The following GSE1 variants were observed in gnomAD, a reference collection of about 807,000 sequenced individuals.
The protein encoded by GSE1 is genetic suppressor element 1.
In GSE1, 32 loss-of-function variants were observed where a neutral mutation model predicts 112.6. The ratio of observed to expected loss-of-function variants is 0.28; its 90% CI spans 0.21 to 0.38. The LOEUF is 0.38. GSE1 is among the 10% of genes least tolerant of loss of function. GSE1 has a pLI of 1.00. For missense variants in GSE1, 2,348 were observed against 1,699.2 expected (o/e 1.38, Z -6.71); for synonymous variants, 1,115 against 735.6 (o/e 1.52, Z -8.35).
chr16:85,620,094 A>G (rs940293253), intron 1 of GSE1, among the ~76,000 whole-genome samples: 2 of 152,098 alleles, frequency 1.3e-5, no homozygotes, highest in East Asian at 1.9e-4. Flanking sequence ...TCTGCAGTTT[A>G]AGACCTCCTC....
intron 1 of GSE1, among the ~76,000 whole-genome samples, chr16:85,252,921 G>C (rs1248459070): frequency 6.6e-6 from 1 of 152,288 alleles, no homozygotes; most frequent in Non-Finnish European, 1.5e-5. Context: ...AGGGGCCTTC[G>C]TGGAGCTGAC....
At chr16:85,552,185 C>G (rs996610202), upstream of GSE1, among the ~76,000 whole-genome samples, 10 of 152,086 alleles carry the variant, frequency 6.6e-5, no homozygotes, top group African/African-American at 2.2e-4. Context: ...ACCACCACAC[C>G]CAGCTAATTT....
At chr16:85,496,337 G>A (rs1005538510) in intron 2 of GSE1, among the ~76,000 whole-genome samples, 2 of 148,774 alleles carry the variant, frequency 1.3e-5, no homozygotes, top group Admixed American at 1.3e-4. Flanking sequence ...GTGAGCGATG[G>A]CGTTTGCATG....
chr16:85,574,271 C>T (rs2046130300), intron 1 of GSE1, among the ~76,000 whole-genome samples: 1 of 152,242 alleles, frequency 6.6e-6, no homozygotes, highest in Non-Finnish European at 1.5e-5. Context: ...CTCTGCTCTG[C>T]AGTGAGAAGC....
intron 12 of GSE1, among the ~76,000 whole-genome samples, chr16:85,665,443 A>G (rs769239528): frequency 6.6e-6 from 1 of 152,154 alleles, no homozygotes; most frequent in African/African-American, 2.4e-5. Context: ...ATCCAATGGT[A>G]CCATCCCAGG....
intron 1 of GSE1, among the ~76,000 whole-genome samples, chr16:85,621,063 G>C (rs2048705795): frequency 6.6e-6 from 1 of 152,032 alleles, no homozygotes; most frequent in South Asian, 2.1e-4. Flanking sequence ...AACCCATTTA[G>C]ATGGTTTCAG....
At chr16:85,625,112 G>A (rs1281774142) in intron 1 of GSE1, among the ~76,000 whole-genome samples, 1 of 152,130 alleles carries the variant, frequency 6.6e-6, no homozygotes, top group African/African-American at 2.4e-5. Flanking sequence ...CCTCTCCCTT[G>A]GTCTGTCGTG....
chr16:85,535,987 T>A (rs2044313728), intron 2 of GSE1, among the ~76,000 whole-genome samples: 1 of 152,216 alleles, frequency 6.6e-6, no homozygotes, highest in African/African-American at 2.4e-5. Context: ...GCTTTGGGAT[T>A]CAAAGATGGA....
At chr16:85,476,469 C>T (rs1004549541) in intron 2 of GSE1, among the ~76,000 whole-genome samples, 3 of 152,200 alleles carry the variant, frequency 2.0e-5, no homozygotes, top group Non-Finnish European at 2.9e-5. Context: ...GCTTTAAACT[C>T]CGTGTATCAT....
intron 1 of GSE1, among the ~76,000 whole-genome samples, chr16:85,566,929 G>C (rs942469109): frequency 4.6e-5 from 7 of 152,322 alleles, no homozygotes; most frequent in Admixed American, 4.6e-4. Context: ...GCAGTAGGGG[G>C]CGGTCACGTA....
chr16:85,448,564 C>A (rs1247642496), intron 2 of GSE1, among the ~76,000 whole-genome samples: 1 of 152,198 alleles, frequency 6.6e-6, no homozygotes, highest in Non-Finnish European at 1.5e-5. Context: ...TGTGCTCTCA[C>A]CTTCTGGTCC....
At chr16:85,237,336 G>A (rs1396064641) in intron 1 of GSE1, among the ~76,000 whole-genome samples, 1 of 151,876 alleles carries the variant, frequency 6.6e-6, no homozygotes, top group African/African-American at 2.4e-5. Flanking sequence ...ATAAATGAAT[G>A]AATAAATAAA....
upstream of GSE1, among the ~76,000 whole-genome samples, chr16:85,553,348 G>T (rs561754922): frequency 8.8e-3 from 1,329 of 151,252 alleles, 5 homozygotes; most frequent in Non-Finnish European, 0.014. Context: ...AGAGCGCGCC[G>T]CCACGCAGCT....
chr16:85,195,267 C>T lies in GSE1; in HGVS notation c.2283+23460C>T, dbSNP rs185985042. On this transcript the variant is annotated intron_variant, in intron 1 of 2. Coordinates refer to the GSE1 transcript ENST00000637419. ...ACTGTGTATTTGGAGCGGGGGTGAACGACGCTGTAACAAAACATCTTACAA... is the reference window on the plus strand; with the variant it reads ...ACTGTGTATTTGGAGCGGGGGTGAATGACGCTGTAACAAAACATCTTACAA... Among the ~76,000 whole-genome samples, 17 of 152,236 alleles carry T rather than the reference C, an allele frequency of 1.1e-4. No individual in the cohort carries two copies. The East Asian group carries it at 2.9e-3, about 26-fold the overall frequency.
At chr16:85,203,035 G>T (rs934871404) in intron 1 of GSE1, among the ~76,000 whole-genome samples, 1 of 151,536 alleles carries the variant, frequency 6.6e-6, no homozygotes, top group Admixed American at 6.6e-5. Flanking sequence ...TGTTCCTGGG[G>T]AATGTGGCTC....
chr16:85,522,221 G>A (rs760209974), intron 2 of GSE1, among the ~76,000 whole-genome samples: 5 of 152,062 alleles, frequency 3.3e-5, no homozygotes, highest in South Asian at 2.1e-4. Flanking sequence ...GGGATTGGCC[G>A]GGCCGTGGCT....
intron 3 of GSE1, among the ~76,000 whole-genome samples, chr16:85,649,690 C>T (rs1161900229): frequency 6.6e-6 from 1 of 152,186 alleles, no homozygotes; most frequent in Non-Finnish European, 1.5e-5. Context: ...AAGAGCGATT[C>T]TCAGGGGCTG....
chr16:85,248,431 A>C (rs780149580), intron 1 of GSE1, among the ~76,000 whole-genome samples: 3 of 141,418 alleles, frequency 2.1e-5, no homozygotes, highest in East Asian at 2.1e-4. Flanking sequence ...CTCTTCCCGC[A>C]TCTCTCTCTC....
intron 1 of GSE1, among the ~76,000 whole-genome samples, chr16:85,597,988 G>T (rs1328442748): frequency 6.6e-6 from 1 of 152,112 alleles, no homozygotes; most frequent in African/African-American, 2.4e-5. Flanking sequence ...TTGTGGAATG[G>T]TAGAGAGGAG....
Sources: gnomAD v4.1 joint callset for allele counts (sites outside exome capture counted in the v4.1 genomes callset) on GRCh38, gnomAD v4.1.1 for gene constraint, MANE v1.5 for transcripts, NCBI Gene and HGNC (gene_info 2026-07-23, HGNC 2026-07-21) for gene names.